Variants in ISM2 observed in about 807,000 individuals in gnomAD.
The protein encoded by ISM2 is isthmin 2.
A neutral mutation model predicts 58.0 loss-of-function variants in ISM2; 50 were observed. The ratio of observed to expected loss-of-function variants is 0.86; its 90% confidence interval spans 0.69 to 1.09. ISM2 has a LOEUF of 1.09. Among genes scored for constraint, ISM2 ranks in the 50% least tolerant of loss-of-function variants. The probability of loss-of-function intolerance (pLI) is 0.00; values close to 1 mark genes in which losing one functional copy is unlikely to be tolerated. For missense variants in ISM2, 723 were observed against 745.0 expected (o/e 0.97, Z 0.34); for synonymous variants, 303 against 312.4 (o/e 0.97, Z 0.32).
intron 1 of ISM2, among the ~76,000 whole-genome samples, chr14:77,486,205 A>G (rs2079166763): frequency 1.3e-5 from 2 of 152,244 alleles, no homozygotes; most frequent in African/African-American, 4.8e-5. Context: ...TGCAAGCTAT[A>G]AAGTGATAGT....
intron 3 of ISM2, among the ~76,000 whole-genome samples, chr14:77,483,061 T>C (rs1439675314): frequency 6.6e-6 from 1 of 152,120 alleles, no homozygotes; most frequent in African/African-American, 2.4e-5. Context: ...CAATTCCTCA[T>C]GGTAGGGCTG....
intron 1 of ISM2, among the ~76,000 whole-genome samples, chr14:77,490,249 G>A (rs1247878383): frequency 3.9e-5 from 6 of 152,114 alleles, no homozygotes; most frequent in South Asian, 4.1e-4. Flanking sequence ...CGCCCGCCTC[G>A]GCCTCCCAAA....
In ISM2 at chr14:77,478,606, C is replaced by A. The variant is rs1350865763; in HGVS notation, c.1083G>T (p.Glu361Asp). 1.2e-6 allele frequency: 2 copies of A among 1,613,810 alleles called. No individual in the cohort carries two copies. The highest frequency in any genetic ancestry group is 2.2e-5 in the South Asian group (2 of 91,070). ...AGGAGGGCAGGTCACAGGTACGGGT[C>A]TCGGTGGCAGTGCAGCCATAGCCAC... ...RPCGYGCTATETRTCDLPSCP... is the reference protein window; with the variant it reads ...RPCGYGCTATDTRTCDLPSCP... The change falls in exon 5 of 7, where the codon GAG (glutamate) becomes GAT (aspartate). Residue 361 changes from glutamate (E) to aspartate (D), a missense_variant. Physicochemically the swap from Glu to Asp is conservative, Grantham distance 45. Coordinates refer to ENST00000342219, the MANE Select transcript of ISM2 (RefSeq NM_199296.3).
At position 77,475,727 on chromosome 14, in the gene ISM2, C is replaced by T. The variant is rs369961495; in HGVS notation, c.1584G>A (p.Thr528=). Residue 528 remains threonine, a synonymous_variant, in exon 7 of 7, where the codon ACG becomes ACA. Coordinates refer to ENST00000342219, the MANE Select transcript of ISM2 (RefSeq NM_199296.3). The surrounding 1 kb of genome is among the most constrained non-coding windows in gnomAD (Gnocchi z 4.1). ...AGTCCCCCTTGCACAGGATCCAGGGCGTCGTGTCGAACTTGAAGTGCAGCT... is the reference window on the plus strand; with the variant it reads ...AGTCCCCCTTGCACAGGATCCAGGGTGTCGTGTCGAACTTGAAGTGCAGCT... The part of the protein sequence containing the change: ...SPKLHFKFDT[T]PWILCKGDWS... 14 of 1,613,944 alleles carry T rather than the reference C, an allele frequency of 8.7e-6. No individual in the cohort carries two copies. The highest frequency in any genetic ancestry group is 1.6e-4 in the Middle Eastern group (1 of 6,082).
At chr14:77,494,603 G>T (rs1214053015) in intron 1 of ISM2, among the ~76,000 whole-genome samples, 1 of 151,892 alleles carries the variant, frequency 6.6e-6, no homozygotes, top group East Asian at 1.9e-4. Context: ...CACCAGGTTG[G>T]CCAGGCTGGT....
At chr14:77,478,171 G>C in intron 6 of ISM2, 71 bp downstream of exon 6, 1 of 1,296,594 alleles carries the variant, frequency 7.7e-7, no homozygotes, top group Non-Finnish European at 1.1e-6. Flanking sequence ...TCCTGCCATG[G>C]AATAATACCC....
intron 1 of ISM2, among the ~76,000 whole-genome samples, chr14:77,487,402 T>A (rs938720439): frequency 3.9e-5 from 6 of 152,164 alleles, no homozygotes; most frequent in African/African-American, 1.4e-4. Flanking sequence ...AGCTTCTTCA[T>A]CTGCAAAATG....
At chr14:77,488,983 G>A (rs553026621) in intron 1 of ISM2, among the ~76,000 whole-genome samples, 17 of 152,224 alleles carry the variant, frequency 1.1e-4, no homozygotes, top group African/African-American at 4.1e-4. Flanking sequence ...CTTTTGGGGG[G>A]TGGTGTCACT....
At chr14:77,492,503 A>C (rs370701569) in intron 1 of ISM2, among the ~76,000 whole-genome samples, 1 of 148,058 alleles carries the variant, frequency 6.8e-6, no homozygotes, top group Non-Finnish European at 1.5e-5. Flanking sequence ...GCACTCAACA[A>C]ACTGGCCCCA....
intron 1 of ISM2, chr14:77,498,420 C>A: frequency 8.0e-7 from 1 of 1,255,678 alleles, no homozygotes; most frequent in South Asian, 1.4e-5. Context: ...TGTCACCCGG[C>A]TGGTCCGCGG....
intron 1 of ISM2, among the ~76,000 whole-genome samples, chr14:77,497,410 C>T (rs1272977530): frequency 2.1e-5 from 3 of 145,628 alleles, no homozygotes; most frequent in East Asian, 2.1e-4. Context: ...AATGGCTGGG[C>T]ACCATGGCTC....
intron 1 of ISM2, 103 bp from the exon 2 acceptor site, chr14:77,485,022 G>A (rs111368901): frequency 0.012 from 14,900 of 1,202,316 alleles, 125 homozygotes; most frequent in Non-Finnish European, 0.015. Context: ...GGTCTGACCG[G>A]GTCATAAACT....
At chr14:77,482,905 G>T in intron 3 of ISM2, 1 of 445,080 alleles carries the variant, frequency 2.2e-6, no homozygotes, top group Non-Finnish European at 3.9e-6. Flanking sequence ...GCAGATGCCA[G>T]GTATGGACTG....
At position 77,475,435 on chromosome 14, in the gene ISM2, C is replaced by T; in HGVS notation, c.*160G>A. The T allele has an allele frequency of 1.5e-6, 1 of 656,186 alleles. No individual in the cohort carries two copies. Among genetic ancestry groups the T allele is most frequent in the Non-Finnish European group, 2.5e-6 (1 of 399,012 alleles). 40.6% of individuals were successfully genotyped at this position (656,186 alleles called of 1,614,324 possible). On this transcript the variant is annotated 3_prime_UTR_variant, in exon 7 of 7. Coordinates refer to ENST00000342219, the MANE Select transcript of ISM2 (RefSeq NM_199296.3). The surrounding 1 kb of genome is among the most constrained non-coding windows in gnomAD (Gnocchi z 4.1). Reference sequence around the variant, plus strand: ...CTCACTAACCCCACTGAGATATCTGCTTCGGGGTCGCTGGCAGAGGGCACA... The same window carrying T: ...CTCACTAACCCCACTGAGATATCTGTTTCGGGGTCGCTGGCAGAGGGCACA...
At chr14:77,487,659 T>A (rs540008194) in intron 1 of ISM2, among the ~76,000 whole-genome samples, 40 of 152,076 alleles carry the variant, frequency 2.6e-4, no homozygotes, top group Non-Finnish European at 5.3e-4. Flanking sequence ...TGGAAAGAGA[T>A]GTGGGGAACG....
intron 1 of ISM2, among the ~76,000 whole-genome samples, chr14:77,497,389 GGAA>G (rs1459488018): frequency 9.6e-6 from 1 of 104,292 alleles, no homozygotes; most frequent in East Asian, 4.8e-4. Context: ...AAAAAAAAAA[GGAA>G]GAAGAAGAAT....
At chr14:77,498,434 C>A in intron 1 of ISM2, 1 of 1,231,222 alleles carries the variant, frequency 8.1e-7, no homozygotes, top group Non-Finnish European at 1.1e-6. Flanking sequence ...TCCGCGGCAG[C>A]CCGGCTCGCG....
At chr14:77,498,402 G>C in intron 1 of ISM2, 6 of 1,265,142 alleles carry the variant, frequency 4.7e-6, no homozygotes, top group Non-Finnish European at 6.4e-6. Context: ...CCGCACAGAA[G>C]TCAAACTTGT....
rs958215628 is a variant in ISM2 at position 77,474,506 on chromosome 14, T to C, written c.*1089A>G. 1 of 152,150 alleles carries C rather than the reference T, an allele frequency of 6.6e-6. No homozygotes were observed. Among genetic ancestry groups the C allele is most frequent in the African/African-American group, 2.4e-5 (1 of 41,416 alleles). The allele number at this position is 152,150 out of a possible 1,614,324, so 9.4% of individuals were successfully genotyped here. ...GGTGGCTCTTGTGAACAGAGACAGT[T>C]GAGACTTCAATATTTCAACCCCATA... is the stretch of plus-strand genomic sequence containing the variant. On this transcript the variant is annotated 3_prime_UTR_variant, in exon 7 of 7. Coordinates refer to ENST00000342219, the MANE Select transcript of ISM2 (RefSeq NM_199296.3).
Sources: allele counts gnomAD v4.1 joint callset (sites outside exome capture counted in the v4.1 genomes callset), GRCh38; gene constraint gnomAD v4.1.1; non-coding constraint Gnocchi (gnomAD v3.1); transcripts MANE v1.5; gene names NCBI Gene and HGNC (gene_info 2026-07-23, HGNC 2026-07-21).